RAD50: variants seen among roughly 807,000 people sequenced by gnomAD.
RAD50 encodes RAD50 double strand break repair protein.
Under a neutral mutation model 168.8 loss-of-function variants are expected in RAD50, and 132 were observed. That is an observed-to-expected ratio of 0.78 (90% CI 0.68 to 0.90). RAD50 has a LOEUF of 0.90. RAD50 is among the 40% of genes least tolerant of loss of function. RAD50 has a pLI of 0.00. For missense variants in RAD50, 1,347 were observed against 1,534.4 expected (o/e 0.88, Z 2.04); for synonymous variants, 525 against 497.4 (o/e 1.06, Z -0.74).
chr5:132,606,631 C>T (rs1234942599), intron 16 of RAD50, among the ~76,000 whole-genome samples: 4 of 152,202 alleles, frequency 2.6e-5, no homozygotes, highest in Admixed American at 6.5e-5. Context: ...AGGCCAGCAT[C>T]ATCCTGATAC....
chr5:132,622,687 A>C (rs1298963486), intron 21 of RAD50, among the ~76,000 whole-genome samples: 4 of 152,058 alleles, frequency 2.6e-5, no homozygotes, highest in Admixed American at 1.3e-4. Context: ...GTTATTTTTT[A>C]ATTTCACATT....
Position 132,595,629 on chromosome 5 carries a change from G to A in RAD50, c.2026G>A (p.Glu676Lys), listed in dbSNP as rs773761143. 4 of 1,614,088 alleles carry A rather than the reference G, an allele frequency of 2.5e-6. No homozygotes were observed. Among genetic ancestry groups the A allele is most frequent in the East Asian group, 4.5e-5 (2 of 44,884 alleles). The part of the protein sequence containing the change: ...YSQFITQLTD[E>K]NQSCCPVCQR... ...CCAGTTCATTACTCAGCTAACAGAC[G>A]AAAACCAGTCATGTTGCCCCGTTTG... is the stretch of plus-strand genomic sequence containing the variant. The change falls in exon 13 of 25, where the codon GAA (glutamate) becomes AAA (lysine). Residue 676 changes from glutamate to lysine, a missense_variant. By Grantham distance (56) the Glu-to-Lys change is moderately conservative. This residue lies in a region of RAD50 where 9 missense variants were observed against 27.5 expected (regional missense o/e 0.33). Transcript: ENST00000378823.
intron 24 of RAD50, among the ~76,000 whole-genome samples, chr5:132,641,398 G>A (rs933235015): frequency 2.0e-5 from 3 of 152,170 alleles, no homozygotes; most frequent in African/African-American, 7.2e-5. Context: ...GTTTCCCTGA[G>A]GTCAAAGGAG....
intron 23 of RAD50, among the ~76,000 whole-genome samples, chr5:132,640,209 A>T (rs1456908763): frequency 6.6e-6 from 1 of 152,218 alleles, no homozygotes; most frequent in Non-Finnish European, 1.5e-5. Flanking sequence ...ATACACAAGA[A>T]TATGGAAATT....
Position 132,589,737 on chromosome 5 carries a change from G to C in RAD50, c.1352G>C (p.Ser451Thr), listed in dbSNP as rs755082861. The C allele has an allele frequency of 6.2e-7, 1 of 1,613,414 alleles. No individual in the cohort carries two copies. Among genetic ancestry groups the C allele is most frequent in the Non-Finnish European group, 8.5e-7 (1 of 1,179,578 alleles). Residue 451 changes from serine to threonine, a missense_variant, in exon 9 of 25, where the codon AGT (serine) becomes ACT (threonine). Coordinates refer to ENST00000378823, the MANE Select transcript of RAD50 (RefSeq NM_005732.4). ...RIIELKSEIL[S>T]KKQNELKNVK... Reference sequence around the variant, plus strand: ...ATTGAGTTAAAATCAGAAATCCTAAGTAAGAAGCAGAATGAGCTGAAAAAT... The same window carrying C: ...ATTGAGTTAAAATCAGAAATCCTAACTAAGAAGCAGAATGAGCTGAAAAAT...
chr5:132,574,162 C>T (rs1750354668), intron 2 of RAD50, among the ~76,000 whole-genome samples: 1 of 152,202 alleles, frequency 6.6e-6, no homozygotes, highest in African/African-American at 2.4e-5. Context: ...TCCATATTGC[C>T]CTAGCAGAGG....
At chr5:132,613,750 C>T (rs1411460993) in intron 19 of RAD50, among the ~76,000 whole-genome samples, 1 of 151,894 alleles carries the variant, frequency 6.6e-6, no homozygotes, top group East Asian at 1.9e-4. Context: ...GCGAGTGCCA[C>T]CAGGCCTGGC....
chr5:132,639,573 TTAAAAATAC>T (rs1024253720), intron 23 of RAD50, among the ~76,000 whole-genome samples: 3 of 152,234 alleles, frequency 2.0e-5, no homozygotes, highest in Admixed American at 2.0e-4. Flanking sequence ...TCTCTTTGAA[TTAAAAATAC>T]TTTCAAAAAT....
At chr5:132,588,988 G>A in intron 8 of RAD50, 108 bp downstream of exon 8, 1 of 1,227,470 alleles carries the variant, frequency 8.1e-7, no homozygotes. Context: ...TTCTATTAGT[G>A]TTAGGATAAA....
intron 19 of RAD50, among the ~76,000 whole-genome samples, chr5:132,611,043 G>A (rs1751074155): frequency 6.6e-6 from 1 of 152,204 alleles, no homozygotes; most frequent in Non-Finnish European, 1.5e-5. Flanking sequence ...GGAGAGAAGT[G>A]TATAAAAAGT....
chr5:132,576,071 T>A (rs1243514536), intron 3 of RAD50, 143 bp downstream of exon 3: 2 of 898,500 alleles, frequency 2.2e-6, no homozygotes, highest in African/African-American at 3.4e-5. Context: ...TTAGAGCAGT[T>A]TTGGGTTTAT....
At chr5:132,564,951 T>G (rs2149833088) in intron 2 of RAD50, among the ~76,000 whole-genome samples, 1 of 152,278 alleles carries the variant, frequency 6.6e-6, no homozygotes, top group South Asian at 2.1e-4. Flanking sequence ...CCACCTAGAT[T>G]TCAGGGGATG....
At chr5:132,632,399 C>T (rs1426644212) in intron 21 of RAD50, among the ~76,000 whole-genome samples, 1 of 152,184 alleles carries the variant, frequency 6.6e-6, no homozygotes, top group Non-Finnish European at 1.5e-5. Flanking sequence ...TTTCATTTCC[C>T]TCACAATGGC....
At chr5:132,633,536 T>C (rs1751515196) in intron 21 of RAD50, among the ~76,000 whole-genome samples, 1 of 152,132 alleles carries the variant, frequency 6.6e-6, no homozygotes, top group Non-Finnish European at 1.5e-5. Context: ...ATTATCAAAA[T>C]GTTTTCATCT....
intron 2 of RAD50, among the ~76,000 whole-genome samples, chr5:132,570,049 A>G (rs907761063): frequency 2.6e-5 from 4 of 152,242 alleles, no homozygotes; most frequent in Non-Finnish European, 5.9e-5. Context: ...ATATCATATG[A>G]ACACCAATAG....
chr5:132,641,738 C>T lies in RAD50; in HGVS notation c.3753-440C>T, dbSNP rs564381129. ...CAGCTCTTAAGAAAGCAGTGTTATT[C>T]CCCTTACCTGTAGTTTGTCTTTATT... On this transcript the variant is annotated intron_variant, in intron 24 of 24. Transcript: ENST00000378823. The T allele has an allele frequency of 1.9e-4, 33 of 173,260 alleles. No individual in the cohort carries two copies. The South Asian group carries it at 3.9e-3, about 21-fold the overall frequency. 10.7% of individuals were successfully genotyped at this position (173,260 alleles called of 1,614,324 possible).
Position 132,615,933 on chromosome 5 carries a change from A to T in RAD50, c.3037-70A>T, listed in dbSNP as rs2149852882. 14 of 1,374,932 alleles carry T rather than the reference A, an allele frequency of 1.0e-5. No individual in the cohort carries two copies. The East Asian group carries it at 3.3e-4, about 32-fold the overall frequency. 85.2% of individuals were successfully genotyped at this position (1,374,932 alleles called of 1,614,324 possible). ...GACAGAAATGGCACTTGCTGTCACC[A>T]GTTGCCTGTTACAGATTTCATGTTA... is the stretch of plus-strand genomic sequence containing the variant. On this transcript the variant is annotated intron_variant, in intron 19 of 24. Coordinates refer to ENST00000378823, the MANE Select transcript of RAD50 (RefSeq NM_005732.4).
rs864622354 is a variant in RAD50, at chr5:132,579,952, G to A, written c.642G>A (p.Lys214=). The A allele has an allele frequency of 3.1e-6, 5 of 1,611,506 alleles. No homozygotes were observed. The highest frequency in any genetic ancestry group is 2.2e-5 in the East Asian group (1 of 44,796). ...KEYQMELKYL[K]QYKEKACEIR... ...ATCAAATGGAACTAAAATATCTGAA[G>A]CAATATAAGGAAAAAGCTTGTGAGA... is the stretch of plus-strand genomic sequence containing the variant. The change falls in exon 5 of 25, where the codon AAG becomes AAA. Residue 214 remains lysine, a synonymous_variant. Transcript: ENST00000378823.
rs1267566950 is a variant in RAD50, at chr5:132,609,454, TA to T, written c.3036+59del. On this transcript the variant is annotated intron_variant, in intron 19 of 24. Coordinates refer to ENST00000378823, the MANE Select transcript of RAD50 (RefSeq NM_005732.4). Reference sequence around the variant, plus strand: ...CCTATGACATTCTTTTCTATAGTTTTATTTTCAATAGAAGATCCATTGAATA... The same window carrying T: ...CCTATGACATTCTTTTCTATAGTTTTTTTTCAATAGAAGATCCATTGAATA... 8 of 1,593,006 alleles carry T rather than the reference TA, an allele frequency of 5.0e-6. No homozygotes were observed. The Admixed American group carries it at 1.4e-4, about 27-fold the overall frequency.
Sources: gnomAD v4.1 joint callset for allele counts (sites outside exome capture counted in the v4.1 genomes callset) on GRCh38, gnomAD v4.1.1 for gene constraint, gnomAD v4.1.1 regional missense constraint, MANE v1.5 for transcripts, NCBI Gene and HGNC (gene_info 2026-07-23, HGNC 2026-07-21) for gene names.